The following KCNIP1 variants were observed in gnomAD, a reference collection of about 807,000 sequenced individuals.
The protein encoded by KCNIP1 is potassium voltage-gated channel interacting protein 1.
In KCNIP1, 18 loss-of-function variants were observed where a neutral mutation model predicts 33.0. The observed-to-expected ratio is 0.55, with a 90% confidence interval of 0.38 to 0.81. The LOEUF (loss-of-function observed/expected upper bound fraction) is 0.81. Among genes scored for constraint, KCNIP1 ranks in the 30% least tolerant of loss-of-function variants. KCNIP1 has a pLI of 0.00. For synonymous variants in KCNIP1, 93 were observed against 98.3 expected (o/e 0.95, Z 0.32); for missense variants, 238 against 271.6 (o/e 0.88, Z 0.87).
chr5:170,420,753 G>A (rs1175844822), intron 1 of KCNIP1: 1 of 152,162 alleles, frequency 6.6e-6, no homozygotes, highest in Non-Finnish European at 1.5e-5. Flanking sequence ...ATTCAAAATA[G>A]TATTCAAAAT....
intron 1 of KCNIP1, among the ~76,000 whole-genome samples, chr5:170,655,718 G>A (rs539279145): frequency 6.7e-4 from 102 of 152,132 alleles, no homozygotes; most frequent in Non-Finnish European, 1.0e-3. Context: ...CTCCACTTCT[G>A]ACTTGCACTG....
exon 1 of KCNIP1, chr5:170,353,567 C>T: frequency 2.1e-6 from 1 of 469,338 alleles, no homozygotes; most frequent in South Asian, 2.7e-5. Context: ...CTCCTCGGTT[C>T]CCTTGGAGTA....
intron 1 of KCNIP1, among the ~76,000 whole-genome samples, chr5:170,668,005 A>G (rs1194858226): frequency 6.6e-6 from 1 of 152,214 alleles, no homozygotes; most frequent in Non-Finnish European, 1.5e-5. Flanking sequence ...CAAACCAATC[A>G]CAGTGACTGA....
At chr5:170,682,884 C>A (rs996012842) in intron 1 of KCNIP1, among the ~76,000 whole-genome samples, 1 of 143,180 alleles carries the variant, frequency 7.0e-6, no homozygotes, top group African/African-American at 2.6e-5. Context: ...CTGCCTTGGC[C>A]TCCCAAAGTG....
chr5:170,455,515 C>CT (rs1189675094), intron 1 of KCNIP1, among the ~76,000 whole-genome samples: 8 of 152,126 alleles, frequency 5.3e-5, no homozygotes, highest in African/African-American at 9.7e-5. Context: ...ACATATTCTT[C>CT]TTAAGTACAC....
intron 1 of KCNIP1, among the ~76,000 whole-genome samples, chr5:170,702,243 A>G (rs550414808): frequency 1.4e-4 from 22 of 152,286 alleles, no homozygotes; most frequent in Admixed American, 1.4e-3. Context: ...GAATGAGTTA[A>G]TAAGGTTGTG....
chr5:170,376,915 T>C (rs1764027218), intron 1 of KCNIP1: 1 of 152,156 alleles, frequency 6.6e-6, no homozygotes, highest in African/African-American at 2.4e-5. Flanking sequence ...CAAAAAAAAC[T>C]ATAGTTGCCA....
At chr5:170,473,395 A>C (rs1756780565) in intron 1 of KCNIP1, among the ~76,000 whole-genome samples, 1 of 152,214 alleles carries the variant, frequency 6.6e-6, no homozygotes, top group Non-Finnish European at 1.5e-5. Flanking sequence ...AGTTGAGAAA[A>C]CTGAGGCATA....
At chr5:170,572,511 T>C (rs1163609822) in intron 1 of KCNIP1, among the ~76,000 whole-genome samples, 1 of 152,164 alleles carries the variant, frequency 6.6e-6, no homozygotes, top group African/African-American at 2.4e-5. Context: ...ATAACCTGAC[T>C]AGGCAGCGCT....
At chr5:170,603,248 A>G (rs147323904) in intron 1 of KCNIP1, among the ~76,000 whole-genome samples, 3 of 152,346 alleles carry the variant, frequency 2.0e-5, no homozygotes, top group East Asian at 3.9e-4. Context: ...CAGGAATTCA[A>G]AGTGTCGCTG....
At chr5:170,498,767 C>A (rs1272763506) in intron 1 of KCNIP1, among the ~76,000 whole-genome samples, 1 of 152,206 alleles carries the variant, frequency 6.6e-6, no homozygotes, top group African/African-American at 2.4e-5. Context: ...GAGTGCTCTA[C>A]AGAGAGACAA....
chr5:170,698,550 A>C (rs144592305), intron 1 of KCNIP1, among the ~76,000 whole-genome samples: 10 of 152,252 alleles, frequency 6.6e-5, no homozygotes, highest in African/African-American at 2.4e-4. Context: ...GTGCACATGA[A>C]GCCCTAGGCA....
intron 1 of KCNIP1, among the ~76,000 whole-genome samples, chr5:170,481,887 T>A (rs1756985734): frequency 6.6e-6 from 1 of 152,236 alleles, no homozygotes; most frequent in Non-Finnish European, 1.5e-5. Flanking sequence ...GAGTGGTCTG[T>A]ATGGTCATAT....
chr5:170,458,113 A>G (rs922292152), intron 1 of KCNIP1, among the ~76,000 whole-genome samples: 1 of 152,194 alleles, frequency 6.6e-6, no homozygotes, highest in African/African-American at 2.4e-5. Flanking sequence ...GCTCAAAGAC[A>G]AGGTTTTAGA....
chr5:170,667,266 C>T (rs1352818670), intron 1 of KCNIP1, among the ~76,000 whole-genome samples: 1 of 150,162 alleles, frequency 6.7e-6, no homozygotes, highest in African/African-American at 2.5e-5. Context: ...GAGCCAAGAT[C>T]GTGCCATTGC....
rs548676321 is a variant in KCNIP1, at chr5:170,464,237, A to G, written c.88+110273A>G. ...ACTTAATATTATAAAGTGATTTACA[A>G]ATTGATTTATAGGTTCAAAGTGATT... On this transcript the variant is annotated intron_variant, in intron 1 of 7. Transcript: ENST00000377360. 2.5e-4 allele frequency among the ~76,000 whole-genome samples: 38 copies of G among 152,332 alleles called. No homozygotes were observed. The East Asian group carries it at 6.7e-3, about 27-fold the overall frequency.
intron 1 of KCNIP1, among the ~76,000 whole-genome samples, chr5:170,538,544 C>T (rs1361119858): frequency 6.6e-6 from 1 of 151,980 alleles, no homozygotes; most frequent in Non-Finnish European, 1.5e-5. Flanking sequence ...TCTGTCCACA[C>T]ACACAGTTGT....
At chr5:170,624,739 G>A (rs1304616736) in intron 1 of KCNIP1, among the ~76,000 whole-genome samples, 1 of 104,354 alleles carries the variant, frequency 9.6e-6, no homozygotes, top group African/African-American at 3.6e-5. Flanking sequence ...AGGTGGGGGG[G>A]GAGAGGGGAG....
intron 1 of KCNIP1, among the ~76,000 whole-genome samples, chr5:170,708,436 A>G (rs1339385825): frequency 2.6e-5 from 4 of 152,244 alleles, no homozygotes; most frequent in African/African-American, 7.2e-5. Flanking sequence ...CTATGCACAC[A>G]GTCCTGTAAA....
Sources: allele counts gnomAD v4.1 joint callset (sites outside exome capture counted in the v4.1 genomes callset), GRCh38; gene constraint gnomAD v4.1.1; transcripts MANE v1.5; gene names NCBI Gene and HGNC (gene_info 2026-07-23, HGNC 2026-07-21).